Variants in TMEM63B observed in about 807,000 individuals in gnomAD.
TMEM63B encodes the protein mechanosensitive cation channel TMEM63B.
A neutral mutation model predicts 102.6 loss-of-function variants in TMEM63B; 23 were observed. The ratio of observed to expected loss-of-function variants is 0.22; its 90% CI spans 0.16 to 0.32. TMEM63B has a LOEUF of 0.32. Among genes scored for constraint, TMEM63B ranks in the 10% least tolerant of loss-of-function variants. TMEM63B has a pLI of 1.00. For missense variants in TMEM63B, 628 were observed against 1,095.9 expected, an observed-to-expected ratio of 0.57 and a Z score of 6.03; for synonymous variants, 444 against 437.0, an observed-to-expected ratio of 1.02 and a Z score of -0.20.
chr6:44,136,235 G>A (rs1004783835), intron 4 of TMEM63B, 114 bp from the exon 5 acceptor site: 10 of 801,462 alleles, frequency 1.2e-5, no homozygotes, highest in Admixed American at 9.5e-5. Context: ...CAGCCTCTGC[G>A]CTTCCTGTGC....
chr6:44,152,957 C>A lies in TMEM63B; in HGVS notation c.1942+259C>A, dbSNP rs1356476669. 2.0e-5 allele frequency among the ~76,000 whole-genome samples: 3 copies of A among 152,244 alleles called. No homozygotes were observed. Among genetic ancestry groups the A allele is most frequent in the Non-Finnish European group, 4.4e-5 (3 of 68,040 alleles). On this transcript the variant is annotated intron_variant, in intron 20 of 23. Transcript: ENST00000323267. This position sits in a 1 kb window ranked among gnomAD's most constrained non-coding sequence, Gnocchi z 6.4. Reference sequence around the variant, plus strand: ...ACCAACATGGCCATACTTACCCACACCTGTGCCTTCCCTCAGCGGGATGTG... The same window carrying A: ...ACCAACATGGCCATACTTACCCACAACTGTGCCTTCCCTCAGCGGGATGTG...
At chr6:44,141,246 G>A (rs1000386577) in intron 10 of TMEM63B, 148 bp downstream of exon 10, 1 of 837,630 alleles carries the variant, frequency 1.2e-6, no homozygotes, top group Admixed American at 3.1e-5. Context: ...CCGATTCCAG[G>A]GTGGTTTAGC....
rs1348563835 is a variant in TMEM63B, at chr6:44,152,935, A to G, written c.1942+237A>G. Among the ~76,000 whole-genome samples, 1 of 152,188 alleles carries G rather than the reference A, an allele frequency of 6.6e-6. No individual in the cohort carries two copies. The highest frequency in any genetic ancestry group is 1.5e-5 in the Non-Finnish European group (1 of 68,024). Reference sequence around the variant, plus strand: ...GTGGGCCCCAGGGCAAAGTCACACCAACATGGCCATACTTACCCACACCTG... The same window carrying G: ...GTGGGCCCCAGGGCAAAGTCACACCGACATGGCCATACTTACCCACACCTG... On this transcript the variant is annotated intron_variant, in intron 20 of 23. Coordinates refer to ENST00000323267, the MANE Select transcript of TMEM63B (RefSeq NM_018426.3). The surrounding 1 kb of genome is among the most constrained non-coding windows in gnomAD (Gnocchi z 6.4).
chr6:44,146,746 C>T, intron 10 of TMEM63B, 101 bp from the exon 11 acceptor site: 1 of 1,220,962 alleles, frequency 8.2e-7, no homozygotes, highest in Non-Finnish European at 1.2e-6. Context: ...CCACCACGTC[C>T]AGCCAGAGAT....
At position 44,152,178 on chromosome 6, in the gene TMEM63B, T is replaced by G. The variant is rs937228406; in HGVS notation, c.1836+170T>G. Among the ~76,000 whole-genome samples the G allele has an allele frequency of 9.2e-5, 14 of 152,230 alleles. No individual in the cohort carries two copies. Among genetic ancestry groups the G allele is most frequent in the African/African-American group, 2.9e-4 (12 of 41,544 alleles). On this transcript the variant is annotated intron_variant, in intron 19 of 23. Transcript: ENST00000323267. The surrounding 1 kb of genome is among the most constrained non-coding windows in gnomAD (Gnocchi z 6.4). Reference sequence around the variant, plus strand: ...CCTTCCCATATCTGGGGCCTTCGTATTCTGCCATGGGTGGACATAGGTAAC... The same window carrying G: ...CCTTCCCATATCTGGGGCCTTCGTAGTCTGCCATGGGTGGACATAGGTAAC...
chr6:44,139,903 C>T (rs10807295), intron 8 of TMEM63B, 144 bp downstream of exon 8: 335,915 of 999,456 alleles, frequency 0.34, 60,119 homozygotes, highest in Non-Finnish European at 0.37. Context: ...GGGTTGGAGA[C>T]AGAAGAGGGA....
At position 44,147,508 on chromosome 6, in the gene TMEM63B, G is replaced by T; in HGVS notation, c.987+8G>T. The T allele has an allele frequency of 6.2e-7, 1 of 1,613,950 alleles. No individual in the cohort carries two copies. Among genetic ancestry groups the T allele is most frequent in the Non-Finnish European group, 8.5e-7 (1 of 1,179,894 alleles). On this transcript the variant is annotated splice_region_variant and intron_variant, in intron 12 of 23. Coordinates refer to ENST00000323267, the MANE Select transcript of TMEM63B (RefSeq NM_018426.3). ...GTGCGAGGCTGTGAGCAGGTATGACGCGGGCTGGCTGTTGAGTCGGGAGAA... is the reference window on the plus strand; with the variant it reads ...GTGCGAGGCTGTGAGCAGGTATGACTCGGGCTGGCTGTTGAGTCGGGAGAA...
At position 44,141,014 on chromosome 6, in the gene TMEM63B, C is replaced by T. The variant is rs765545700; in HGVS notation, c.712-14C>T. 1 of 1,613,908 alleles carries T rather than the reference C, an allele frequency of 6.2e-7. No individual in the cohort carries two copies. The highest frequency in any genetic ancestry group is 8.5e-7 in the Non-Finnish European group (1 of 1,179,888). On this transcript the variant is annotated splice_polypyrimidine_tract_variant and intron_variant, in intron 9 of 23. Coordinates refer to ENST00000323267, the MANE Select transcript of TMEM63B (RefSeq NM_018426.3). ...TCAAGCCTCAGAAGGCAAACCCACT[C>T]CCCTGTCACCCAGGTGAAGCGGACC...
chr6:44,138,457 C>G, intron 5 of TMEM63B, 23 bp from the exon 6 acceptor site: 1 of 1,613,976 alleles, frequency 6.2e-7, no homozygotes, highest in Non-Finnish European at 8.5e-7. Context: ...GGGACTCCCG[C>G]TGACAGCCCT....
At chr6:44,139,416 T>C in intron 6 of TMEM63B, 51 bp from the exon 7 acceptor site, 1 of 1,602,194 alleles carries the variant, frequency 6.2e-7, no homozygotes, top group Non-Finnish European at 8.5e-7. Context: ...TGCAGCCCCC[T>C]TCTTGCCCTG....
At chr6:44,128,454 G>T (rs1014550105) in intron 1 of TMEM63B, among the ~76,000 whole-genome samples, 3 of 152,268 alleles carry the variant, frequency 2.0e-5, no homozygotes, top group African/African-American at 7.2e-5. Flanking sequence ...CCTCCTGGCT[G>T]TCTTGACCGC....
rs1325690435 is a variant in TMEM63B, at chr6:44,150,101, A to G, written c.1521-123A>G. 1 of 1,314,482 alleles carries G rather than the reference A, an allele frequency of 7.6e-7. No homozygotes were observed. Among genetic ancestry groups the G allele is most frequent in the Non-Finnish European group, 1.1e-6 (1 of 936,778 alleles). 81.4% of individuals were successfully genotyped at this position (1,314,482 alleles called of 1,614,324 possible). On this transcript the variant is annotated intron_variant, in intron 16 of 23. Transcript: ENST00000323267. This position sits in a 1 kb window ranked among gnomAD's most constrained non-coding sequence, Gnocchi z 4.7. ...TGGTAGGGAAGGGGTAGTGCCCAGC[A>G]CCCTCACCTTGGGAGGCCCACCCTT...
rs544967196 is a variant in TMEM63B at position 44,153,767 on chromosome 6, G to A, written c.2034G>A (p.Ser678=). 20 of 1,614,132 alleles carry A rather than the reference G, an allele frequency of 1.2e-5. No homozygotes were observed. Among genetic ancestry groups the A allele is most frequent in the Admixed American group, 1.7e-5 (1 of 60,024 alleles). Residue 678 remains serine (S), a synonymous_variant, in exon 21 of 24, where the codon TCG becomes TCA. Coordinates refer to ENST00000323267, the MANE Select transcript of TMEM63B (RefSeq NM_018426.3). ...LPAKLDKKIH[S]GAVNQVVAAP... is the part of the protein sequence containing the mutation. The stretch of plus-strand genomic sequence containing the variant: ...CCAAGCTGGACAAGAAGATCCACTC[G>A]GGGGCTGTGAACCAGGTGGTGGCCG...
At chr6:44,127,881 C>A (rs1252341048) in intron 1 of TMEM63B, 2 of 151,790 alleles carry the variant, frequency 1.3e-5, no homozygotes, top group African/African-American at 4.8e-5. Flanking sequence ...GTCCTCCAAC[C>A]CCTGCCGGAG....
intron 4 of TMEM63B, 50 bp from the exon 5 acceptor site, chr6:44,136,299 G>C (rs1762935223): frequency 1.3e-6 from 2 of 1,532,012 alleles, no homozygotes; most frequent in African/African-American, 2.7e-5. Context: ...CAGCTTCCCG[G>C]GGGCTCAGAC....
At position 44,134,662 on chromosome 6, in the gene TMEM63B, C is replaced by T; in HGVS notation, c.78C>T (p.Ala26=). Residue 26 remains alanine (A), a synonymous_variant, in exon 2 of 24, where the codon GCC becomes GCT. Coordinates refer to ENST00000323267, the MANE Select transcript of TMEM63B (RefSeq NM_018426.3). The part of the protein sequence containing the change: ...NSNPKDYCYS[A]RIRSTVLQGL... The stretch of plus-strand genomic sequence containing the variant: ...ACCCCAAGGACTACTGCTACAGCGC[C>T]CGCATCCGCAGCACTGTCCTGCAGG... 1 of 1,614,236 alleles carries T rather than the reference C, an allele frequency of 6.2e-7. No individual in the cohort carries two copies. The highest frequency in any genetic ancestry group is 8.5e-7 in the Non-Finnish European group (1 of 1,180,042).
chr6:44,135,728 G>A (rs577263877), intron 4 of TMEM63B, among the ~76,000 whole-genome samples: 1 of 152,324 alleles, frequency 6.6e-6, no homozygotes, highest in East Asian at 1.9e-4. Context: ...TCCGCTAACA[G>A]CTAGTTCTTC....
In TMEM63B at chr6:44,152,689, G is replaced by A. The variant is rs752913675; in HGVS notation, c.1933G>A (p.Val645Met). Residue 645 changes from valine to methionine, a missense_variant, in exon 20 of 24, where the codon GTG (valine) becomes ATG (methionine). Around this residue, in one of 6 missense-constraint regions of TMEM63B, gnomAD observed 90 missense variants for 136.7 expected, o/e 0.66. Transcript: ENST00000323267. This position sits in a 1 kb window ranked among gnomAD's most constrained non-coding sequence, Gnocchi z 6.4. ...MTYSITCPII[V>M]PFGLMYMLLK... ...CTACAGTATCACCTGCCCCATCATC[G>A]TGCCCTTCGGTAGGCACCGCCGCGC... 6.2e-6 allele frequency: 10 copies of A among 1,606,356 alleles called. No homozygotes were observed. The highest frequency in any genetic ancestry group is 1.3e-5 in the African/African-American group (1 of 75,040).
At chr6:44,132,951 A>G (rs1762241646) in intron 1 of TMEM63B, among the ~76,000 whole-genome samples, 1 of 152,174 alleles carries the variant, frequency 6.6e-6, no homozygotes, top group East Asian at 1.9e-4. Flanking sequence ...TAGGTCCCTC[A>G]TTTTATTAGC....
Sources: gnomAD v4.1 joint callset for allele counts (sites outside exome capture counted in the v4.1 genomes callset) on GRCh38, gnomAD v4.1.1 for gene constraint, gnomAD v4.1.1 regional missense constraint, Gnocchi (gnomAD v3.1) non-coding constraint, MANE v1.5 for transcripts, NCBI Gene and HGNC (gene_info 2026-07-23, HGNC 2026-07-21) for gene names.